The following CCDC57 variants were observed in gnomAD, a reference collection of about 807,000 sequenced individuals.
CCDC57 encodes the protein coiled-coil domain-containing protein 57.
CCDC57 carries 118 observed loss-of-function variants against 118.9 expected under a neutral mutation model. The observed-to-expected ratio is 0.99, with a 90% CI of 0.86 to 1.16. The LOEUF (loss-of-function observed/expected upper bound fraction) is 1.16, where lower values mean the gene tolerates loss of function less well. Among genes scored for constraint, CCDC57 ranks in the 50% most tolerant of loss-of-function variants. The probability of loss-of-function intolerance (pLI) is 0.00; values close to 1 mark genes in which losing one functional copy is unlikely to be tolerated. For synonymous variants in CCDC57, 527 were observed against 532.9 expected, an observed-to-expected ratio of 0.99 and a Z score of 0.15; for missense variants, 1,300 against 1,320.7, an observed-to-expected ratio of 0.98 and a Z score of 0.24.
chr17:82,202,338 C>G (rs1425428827), intron 2 of CCDC57, among the ~76,000 whole-genome samples: 1 of 151,328 alleles, frequency 6.6e-6, no homozygotes, highest in African/African-American at 2.4e-5. Context: ...TGTGGTGGCA[C>G]GTGCCTGTAG....
chr17:82,168,924 C>T (rs540460961), intron 13 of CCDC57, among the ~76,000 whole-genome samples: 2 of 152,002 alleles, frequency 1.3e-5, no homozygotes, highest in Non-Finnish European at 2.9e-5. Context: ...CTTCCTTAAC[C>T]TCCCTCCACT....
At position 82,191,630 on chromosome 17, in the gene CCDC57, A is replaced by G. The variant is rs572550095; in HGVS notation, c.851+2126T>C. 2.6e-5 allele frequency among the ~76,000 whole-genome samples: 4 copies of G among 152,226 alleles called. No individual in the cohort carries two copies. In the South Asian group the frequency reaches 8.3e-4, roughly 32 times the overall value. On this transcript the variant is annotated intron_variant, in intron 7 of 19. Transcript: ENST00000665763. ...AAGATGATGAGGATGAAGAGCTATA[A>G]GATGATCTGCTTCCACTTAACAAAC...
intron 16 of CCDC57, among the ~76,000 whole-genome samples, chr17:82,148,288 G>T (rs2041175119): frequency 7.0e-6 from 1 of 143,436 alleles, no homozygotes; most frequent in South Asian, 2.4e-4. Flanking sequence ...TGGGTGGATG[G>T]ATACATGGAT....
At chr17:82,137,772 C>G (rs370084016) in intron 16 of CCDC57, among the ~76,000 whole-genome samples, 1 of 150,816 alleles carries the variant, frequency 6.6e-6, no homozygotes, top group Non-Finnish European at 1.5e-5. Context: ...CTTCTTGGTT[C>G]AAGCGGTTCT....
intron 16 of CCDC57, among the ~76,000 whole-genome samples, chr17:82,151,079 TCAGAACCTGGTGCACAC>T (rs2041947228): frequency 5.6e-4 from 6 of 10,800 alleles, no homozygotes; most frequent in Admixed American, 1.1e-3. Context: ...AGGCGCACAC[TCAGAACCTGGTGCACAC>T]CCAGAACCTG....
intron 19 of CCDC57, chr17:82,112,991 G>A (rs1006347227): frequency 4.7e-6 from 1 of 211,246 alleles, no homozygotes; most frequent in African/African-American, 2.3e-5. Flanking sequence ...CCGTTGTGTG[G>A]GCATAGAATA....
At chr17:82,149,551 T>G (rs2041561782) in intron 16 of CCDC57, among the ~76,000 whole-genome samples, 1 of 152,100 alleles carries the variant, frequency 6.6e-6, no homozygotes, top group African/African-American at 2.4e-5. Context: ...ACCTGCGGTG[T>G]TGTTCTCACA....
At chr17:82,109,014 T>C (rs899100244) in intron 19 of CCDC57, 11 of 152,360 alleles carry the variant, frequency 7.2e-5, no homozygotes, top group African/African-American at 2.6e-4. Context: ...AAAATCCTTC[T>C]ACATCTTCAT....
rs1399404550 is a variant in CCDC57 at position 82,192,782 on chromosome 17, A to G, written c.851+974T>C. 6.6e-6 allele frequency among the ~76,000 whole-genome samples: 1 copy of G among 152,244 alleles called. No individual in the cohort carries two copies. Among genetic ancestry groups the G allele is most frequent in the African/African-American group, 2.4e-5 (1 of 41,464 alleles). On this transcript the variant is annotated intron_variant, in intron 7 of 19. Transcript: ENST00000665763. This position sits in a 1 kb window ranked among gnomAD's most constrained non-coding sequence, Gnocchi z 4.0. ...AGCTTCCCACTGCAGATCTGATTAG[A>G]AACAGCACAGACAGTGTCCTTGAAG...
At chr17:82,138,019 T>A (rs1484110796) in intron 16 of CCDC57, among the ~76,000 whole-genome samples, 1 of 151,862 alleles carries the variant, frequency 6.6e-6, no homozygotes, top group Non-Finnish European at 1.5e-5. Flanking sequence ...GTCCTAGAAG[T>A]TCCCTGGAAA....
At position 82,202,008 on chromosome 17, in the gene CCDC57, A is replaced by G. The variant is rs571557837; in HGVS notation, c.-8-56T>C. On this transcript the variant is annotated intron_variant, in intron 2 of 19. Transcript: ENST00000665763. Reference sequence around the variant, plus strand: ...CACCGTGAGGGGCCCTAATTTTCCTACCACAGTACCTACCTCACATTCCCT... The same window carrying G: ...CACCGTGAGGGGCCCTAATTTTCCTGCCACAGTACCTACCTCACATTCCCT... 5.4e-5 allele frequency: 78 copies of G among 1,443,312 alleles called. No individual in the cohort carries two copies. In the African/African-American group the frequency reaches 1.0e-3, roughly 19 times the overall value. 89.4% of individuals were successfully genotyped at this position (1,443,312 alleles called of 1,614,324 possible).
At chr17:82,177,390 C>A (rs1298564126) in intron 11 of CCDC57, among the ~76,000 whole-genome samples, 2 of 151,266 alleles carry the variant, frequency 1.3e-5, no homozygotes, top group Non-Finnish European at 2.9e-5. Flanking sequence ...AAAACAACTC[C>A]AAAAATTAGC....
chr17:82,174,029 G>C (rs887728800), intron 11 of CCDC57, among the ~76,000 whole-genome samples: 13 of 152,184 alleles, frequency 8.5e-5, no homozygotes, highest in African/African-American at 3.1e-4. Context: ...CCCCAGATAC[G>C]GGAGAGGGAA....
chr17:82,169,384 C>T (rs1035685321), intron 13 of CCDC57, among the ~76,000 whole-genome samples: 6 of 152,358 alleles, frequency 3.9e-5, no homozygotes, highest in Non-Finnish European at 8.8e-5. Context: ...CCACCTCGGC[C>T]TCCCAAAGTG....
intron 8 of CCDC57, 97 bp from the exon 8 acceptor site, chr17:82,184,029 GCGCACACACACA>G (rs1165316245): frequency 3.0e-4 from 71 of 238,912 alleles, no homozygotes; most frequent in African/African-American, 1.7e-3. Flanking sequence ...GCGCGCGCGC[GCGCACACACACA>G]CACACACACA....
chr17:82,179,268 G>C, intron 9 of CCDC57, 79 bp from the exon 9 acceptor site: 1 of 1,499,290 alleles, frequency 6.7e-7, no homozygotes, highest in East Asian at 2.3e-5. Flanking sequence ...CGATGGGAAA[G>C]GCAGGGCTGC....
chr17:82,145,469 C>G (rs1405924982), intron 16 of CCDC57, among the ~76,000 whole-genome samples: 1 of 151,988 alleles, frequency 6.6e-6, no homozygotes, highest in East Asian at 2.0e-4. Context: ...ATCGCTGGAA[C>G]CCGGGAGGCG....
chr17:82,199,203 T>G (rs574574743), intron 3 of CCDC57, among the ~76,000 whole-genome samples: 1 of 151,152 alleles, frequency 6.6e-6, no homozygotes, highest in Admixed American at 6.6e-5. Flanking sequence ...GCAGGCTGGG[T>G]GTGGTGGCTC....
rs12449608 is a variant in CCDC57, at chr17:82,128,646, T to C, written c.2578-49A>G. 12,603 of 1,370,064 alleles carry C rather than the reference T, an allele frequency of 9.2e-3. 1,098 individuals are homozygous for C. In the Admixed American group the frequency reaches 0.19, roughly 20 times the overall value. 84.9% of individuals were successfully genotyped at this position (1,370,064 alleles called of 1,614,324 possible). On this transcript the variant is annotated intron_variant, in intron 17 of 19. Transcript: ENST00000665763. ...GGACTCTGGTATTCACATGTACTGA[T>C]GGTGCATGTCAGTGAGTTTTCCCAC...
Sources: gnomAD v4.1 joint callset for allele counts (sites outside exome capture counted in the v4.1 genomes callset) on GRCh38, gnomAD v4.1.1 for gene constraint, Gnocchi (gnomAD v3.1) non-coding constraint, MANE v1.5 for transcripts, NCBI Gene and HGNC (gene_info 2026-07-23, HGNC 2026-07-21) for gene names.